The following E2F4 variants were observed in gnomAD, a reference collection of about 807,000 sequenced individuals.
E2F4 encodes E2F transcription factor 4.
In E2F4, 16 loss-of-function variants were observed where a neutral mutation model predicts 44.5. That is an observed-to-expected ratio of 0.36 (90% CI 0.24 to 0.55). E2F4 has a LOEUF of 0.55. Among genes scored for constraint, E2F4 ranks in the 20% least tolerant of loss-of-function variants. The pLI is 0.87. For missense variants in E2F4, 473 were observed against 522.1 expected (o/e 0.91, Z 0.92); for synonymous variants, 242 against 207.2 (o/e 1.17, Z -1.44).
rs765699823 is a variant in E2F4 at position 67,194,729 on chromosome 16, T to C, written c.557T>C (p.Val186Ala). ...AAGTACCAGATTCACCTGAAGAGTG[T>C]GAGTGGTCCCATTGAGGTTCTGCTG... The part of the protein sequence containing the change: ...QKKYQIHLKS[V>A]SGPIEVLLVN... The change falls in exon 6 of 10, where the codon GTG becomes GCG. Residue 186 changes from valine to alanine, a missense_variant. By Grantham distance (64) the Val-to-Ala change is moderately conservative (BLOSUM62 0). Coordinates refer to ENST00000379378, the MANE Select transcript of E2F4 (RefSeq NM_001950.4). 5.7e-5 allele frequency: 92 copies of C among 1,613,980 alleles called. No individual in the cohort carries two copies. Among genetic ancestry groups the C allele is most frequent in the Non-Finnish European group, 7.5e-5 (88 of 1,179,998 alleles).
intron 1 of E2F4, 126 bp from the exon 2 acceptor site, chr16:67,192,635 G>C (rs2032905098): frequency 3.0e-6 from 3 of 1,006,272 alleles, no homozygotes; most frequent in African/African-American, 1.6e-5. Context: ...GCGGTCCTGA[G>C]CTGCAGTAGC....
intron 3 of E2F4, 113 bp from the exon 4 acceptor site, chr16:67,193,359 C>G: frequency 1.3e-6 from 2 of 1,507,116 alleles, no homozygotes; most frequent in Non-Finnish European, 1.8e-6. Flanking sequence ...ACCTGAGTCC[C>G]CAGAACGGTC....
rs1409403087 is a variant in E2F4 at position 67,198,402 on chromosome 16, C to G, written c.*279C>G. ...TCGCCAGCCCAGGCTCGGCTGCCAC[C>G]CAGTGGCACAGAACCGAGGAGCTGC... On this transcript the variant is annotated 3_prime_UTR_variant, in exon 10 of 10. Coordinates refer to ENST00000379378, the MANE Select transcript of E2F4 (RefSeq NM_001950.4). 4.5e-6 allele frequency: 2 copies of G among 449,366 alleles called. No individual in the cohort carries two copies. The highest frequency in any genetic ancestry group is 4.0e-5 in the African/African-American group (2 of 50,440). 27.8% of individuals were successfully genotyped at this position (449,366 alleles called of 1,614,324 possible).
chr16:67,197,553 C>CTG (rs2032990728), intron 7 of E2F4, 46 bp from the exon 8 acceptor site: 1 of 1,609,134 alleles, frequency 6.2e-7, no homozygotes, highest in South Asian at 1.1e-5. Flanking sequence ...TGTAGTGGGG[C>CTG]CAGGCTGGAC....
Position 67,192,173 on chromosome 16 carries a change from G to A in E2F4, c.-55G>A. 8.3e-7 allele frequency: 1 copy of A among 1,199,214 alleles called. No homozygotes were observed. The highest frequency in any genetic ancestry group is 1.0e-6 in the Non-Finnish European group (1 of 966,212). 74.3% of individuals were successfully genotyped at this position (1,199,214 alleles called of 1,614,324 possible). On this transcript the variant is annotated 5_prime_UTR_variant, in exon 1 of 10. Transcript: ENST00000379378. ...GGCGGCCAGGAACGGAAGCGGAAGT[G>A]GCGGCGGCGCCGGCCTGGCCTGGCC... is the stretch of plus-strand genomic sequence containing the variant.
chr16:67,196,111 G>T, intron 7 of E2F4, 105 bp downstream of exon 7: 1 of 1,527,536 alleles, frequency 6.5e-7, no homozygotes, highest in Non-Finnish European at 9.0e-7. Context: ...TGTCAACCCT[G>T]CTGGACACGA....
At chr16:67,195,291 G>A (rs939576535) in intron 6 of E2F4, among the ~76,000 whole-genome samples, 3 of 152,048 alleles carry the variant, frequency 2.0e-5, no homozygotes, top group African/African-American at 7.2e-5. Flanking sequence ...CCCACCATGC[G>A]CAGCTAATTC....
Position 67,195,820 on chromosome 16 carries a change from G to A in E2F4, c.847G>A (p.Glu283Lys). ...GPGTDSKDSG[E>K]LSSLPLGPTT... ...TGGGACTGATAGCAAGGACAGTGGT[G>A]AGCTCAGTTCACTCCCACTGGGCCC... The change falls in exon 7 of 10, where the codon GAG becomes AAG. Residue 283 changes from glutamate to lysine, a missense_variant. Around this residue, in one of 3 missense-constraint regions of E2F4, gnomAD observed 314 missense variants for 315.6 expected, o/e 0.99. Coordinates refer to ENST00000379378, the MANE Select transcript of E2F4 (RefSeq NM_001950.4). The A allele has an allele frequency of 6.2e-7, 1 of 1,614,118 alleles. No homozygotes were observed. The highest frequency in any genetic ancestry group is 2.2e-5 in the East Asian group (1 of 44,884).
At chr16:67,192,551 G>A in intron 1 of E2F4, 189 bp downstream of exon 1, 1 of 1,038,566 alleles carries the variant, frequency 9.6e-7, no homozygotes. Flanking sequence ...TATGGGCCAG[G>A]CTCGGGCTGC....
At chr16:67,195,697 C>A in intron 6 of E2F4, 85 bp from the exon 7 acceptor site, 1 of 1,584,544 alleles carries the variant, frequency 6.3e-7, no homozygotes, top group South Asian at 1.1e-5. Context: ...GGCTTGTGGT[C>A]CTCCTGTGTC....
chr16:67,193,583 A>C, intron 4 of E2F4, 68 bp downstream of exon 4: 1 of 1,537,224 alleles, frequency 6.5e-7, no homozygotes, highest in South Asian at 1.1e-5. Flanking sequence ...CACTGGGCTC[A>C]GTGTCTTAGG....
rs1225560814 is a variant in E2F4 at position 67,198,442 on chromosome 16, G to GA, written c.*319_*320insA. On this transcript the variant is annotated 3_prime_UTR_variant, in exon 10 of 10. Coordinates refer to ENST00000379378, the MANE Select transcript of E2F4 (RefSeq NM_001950.4). ...CGAGGAGCTGCCATTACCCCCCATAGGGGGCAGTGTCTTGTTCCTGCCAGC... is the reference window on the plus strand; with the variant it reads ...CGAGGAGCTGCCATTACCCCCCATAGAGGGGCAGTGTCTTGTTCCTGCCAGC... 1 of 349,018 alleles carries GA rather than the reference G, an allele frequency of 2.9e-6. No homozygotes were observed. The highest frequency in any genetic ancestry group is 5.4e-6 in the Non-Finnish European group (1 of 184,388). The allele number at this position is 349,018 out of a possible 1,614,324, so 21.6% of individuals were successfully genotyped here. A position where few individuals can be genotyped will look rare whatever the true frequency, so the allele number is the denominator to read the frequency against.
At position 67,198,833 on chromosome 16, in the gene E2F4, AAAGATT is replaced by A; in HGVS notation, c.*712_*717del. The stretch of plus-strand genomic sequence containing the variant: ...TACAGTAACGAATGGATTCCTATAT[AAAGATT>A]ATTTTTATACTTTTTGCAGCAAAAG... On this transcript the variant is annotated 3_prime_UTR_variant, in exon 10 of 10. Coordinates refer to ENST00000379378, the MANE Select transcript of E2F4 (RefSeq NM_001950.4). 2.9e-6 allele frequency: 1 copy of A among 347,290 alleles called. No individual in the cohort carries two copies. The allele number at this position is 347,290 out of a possible 1,614,324, so 21.5% of individuals were successfully genotyped here. A position where few individuals can be genotyped will look rare whatever the true frequency, so the allele number is the denominator to read the frequency against.
chr16:67,193,236 G>A (rs1206937350), intron 3 of E2F4, 66 bp downstream of exon 3: 3 of 1,533,222 alleles, frequency 2.0e-6, no homozygotes, highest in East Asian at 2.4e-5. Context: ...CTTGCCCTGA[G>A]TCCTGTTCCT....
In E2F4 at chr16:67,198,655, G is replaced by C. The variant is rs368806108; in HGVS notation, c.*532G>C. ...CCTAGAACCTGCAGGTGGTGGGGGC[G>C]GCTACCAAGAAGGAACAGAGGTCTC... On this transcript the variant is annotated 3_prime_UTR_variant, in exon 10 of 10. Transcript: ENST00000379378. 1 of 171,778 alleles carries C rather than the reference G, an allele frequency of 5.8e-6. No homozygotes were observed. 10.6% of individuals were successfully genotyped at this position (171,778 alleles called of 1,614,324 possible).
chr16:67,195,388 T>G (rs530894420), intron 6 of E2F4, among the ~76,000 whole-genome samples: 1 of 152,334 alleles, frequency 6.6e-6, no homozygotes, highest in African/African-American at 2.4e-5. Context: ...TGCCTCGGCC[T>G]CCTGTAGTGC....
chr16:67,197,112 G>A (rs900025490), intron 7 of E2F4, among the ~76,000 whole-genome samples: 3 of 152,164 alleles, frequency 2.0e-5, no homozygotes, highest in African/African-American at 7.2e-5. Context: ...CCTGAGCCTG[G>A]CATGTGAAAT....
Position 67,193,122 on chromosome 16 carries a change from G to A in E2F4, c.359G>A (p.Trp120Ter). Residue 120 changes from tryptophan (W) to a stop codon, truncating the protein, a stop_gained, in exon 3 of 10, where the codon TGG (tryptophan) becomes TAG (stop). Transcript: ENST00000379378. LOFTEE classifies it high-confidence loss of function. Reference protein sequence around the residue: ...REQELDQHKVWVQQSIRNVTE... With the variant: ...REQELDQHKV ...CAAGAACTAGACCAGCACAAGGTGTGGGTGCAGCAGAGCATCCGGAACGTC... is the reference window on the plus strand; with the variant it reads ...CAAGAACTAGACCAGCACAAGGTGTAGGTGCAGCAGAGCATCCGGAACGTC... The A allele has an allele frequency of 1.3e-6, 2 of 1,574,386 alleles. No individual in the cohort carries two copies. The highest frequency in any genetic ancestry group is 1.7e-6 in the Non-Finnish European group (2 of 1,159,680).
Position 67,197,890 on chromosome 16 carries a change from G to C in E2F4, c.1105G>C (p.Glu369Gln). The C allele has an allele frequency of 6.2e-7, 1 of 1,614,152 alleles. No individual in the cohort carries two copies. The change falls in exon 9 of 10, where the codon GAG becomes CAG. Residue 369 changes from glutamate to glutamine, a missense_variant. Physicochemically the swap from Glu to Gln is conservative, Grantham distance 29. Around this residue, in one of 3 missense-constraint regions of E2F4, gnomAD observed 314 missense variants for 315.6 expected, o/e 0.99. Transcript: ENST00000379378. ...AGAGTGCATGAGCTCGGAGCTGCTG[G>C]AGGAGTTGATGTCCTCAGAAGGTGG... ...TRECMSSELL[E>Q]ELMSSEVFAP... is the part of the protein sequence containing the mutation.
Sources: gnomAD v4.1 joint callset for allele counts (sites outside exome capture counted in the v4.1 genomes callset) on GRCh38, gnomAD v4.1.1 for gene constraint, gnomAD v4.1.1 regional missense constraint, MANE v1.5 for transcripts, NCBI Gene and HGNC (gene_info 2026-07-23, HGNC 2026-07-21) for gene names.